Variants in PCDHA2 observed in about 807,000 individuals in gnomAD.
The protein encoded by PCDHA2 is protocadherin alpha 2, also known as protocadherin alpha-2.
PCDHA2 carries 58 observed loss-of-function variants against 66.0 expected under a neutral mutation model. The ratio of observed to expected loss-of-function variants is 0.88; its 90% CI spans 0.71 to 1.09. The LOEUF (loss-of-function observed/expected upper bound fraction) is 1.09. Among genes scored for constraint, PCDHA2 ranks in the 50% least tolerant of loss-of-function variants. The pLI is 0.00. For synonymous variants in PCDHA2, 634 were observed against 554.0 expected (o/e 1.14, Z -2.03); for missense variants, 1,267 against 1,242.3 (o/e 1.02, Z -0.30).
intron 1 of PCDHA2, chr5:140,856,766 A>C: frequency 1.3e-6 from 2 of 1,596,904 alleles, no homozygotes. Context: ...TAACGCCCCT[A>C]TCTTTGACAG....
intron 1 of PCDHA2, among the ~76,000 whole-genome samples, chr5:140,827,633 G>C (rs143632043): frequency 2.0e-5 from 3 of 152,212 alleles, no homozygotes; most frequent in Admixed American, 2.0e-4. Flanking sequence ...GTGTAGAATA[G>C]TTTACATTTC....
chr5:140,902,894 A>G (rs1370660183), intron 1 of PCDHA2, among the ~76,000 whole-genome samples: 1 of 152,170 alleles, frequency 6.6e-6, no homozygotes, highest in Non-Finnish European at 1.5e-5. Flanking sequence ...CTATTATTTT[A>G]TTTAGTTTAT....
intron 1 of PCDHA2, among the ~76,000 whole-genome samples, chr5:140,832,325 A>G (rs1771927305): frequency 6.6e-6 from 1 of 152,220 alleles, no homozygotes; most frequent in African/African-American, 2.4e-5. Context: ...AAGGGCCATT[A>G]GAGGACTGAG....
intron 1 of PCDHA2, chr5:140,863,472 T>C: frequency 2.0e-6 from 1 of 490,440 alleles, no homozygotes; most frequent in Non-Finnish European, 4.0e-6. Context: ...CTCTGGAGAG[T>C]CGCCTCCCAA....
intron 1 of PCDHA2, among the ~76,000 whole-genome samples, chr5:140,936,259 T>A (rs1327533719): frequency 6.6e-6 from 1 of 152,228 alleles, no homozygotes; most frequent in African/African-American, 2.4e-5. Context: ...CTTCAAGTCA[T>A]GAAGATATAT....
intron 1 of PCDHA2, among the ~76,000 whole-genome samples, chr5:140,832,062 A>G (rs1554133455): frequency 6.6e-6 from 1 of 152,224 alleles, no homozygotes. Context: ...TACCAATTTA[A>G]TCTGAGATGT....
At chr5:140,841,286 A>G in intron 1 of PCDHA2, 2 of 1,545,812 alleles carry the variant, frequency 1.3e-6, no homozygotes, top group Non-Finnish European at 1.7e-6. Context: ...TCTTTATATT[A>G]AGATAATATT....
chr5:140,856,767 T>A, intron 1 of PCDHA2: 1 of 1,596,922 alleles, frequency 6.3e-7, no homozygotes, highest in Non-Finnish European at 8.6e-7. Context: ...AACGCCCCTA[T>A]CTTTGACAGA....
rs144735555 is a variant in PCDHA2 at position 140,884,569 on chromosome 5, G to C, written c.2388+87217G>C. The stretch of plus-strand genomic sequence containing the variant: ...GCTCTGGGGAGGGCCCGCATAAGAC[G>C]GACCTCATGGCCTTCAGTCCCAGCC... On this transcript the variant is annotated intron_variant, in intron 1 of 3. Transcript: ENST00000526136. 7 of 1,614,008 alleles carry C rather than the reference G, an allele frequency of 4.3e-6. No individual in the cohort carries two copies. In the African/African-American group the frequency reaches 8.0e-5, roughly 18 times the overall value.
intron 1 of PCDHA2, among the ~76,000 whole-genome samples, chr5:140,903,721 C>A (rs2070530222): frequency 6.6e-6 from 1 of 152,152 alleles, no homozygotes; most frequent in Non-Finnish European, 1.5e-5. Flanking sequence ...ACAATTCTCC[C>A]TATTATCAAT....
Position 140,838,372 on chromosome 5 carries a change from C to T in PCDHA2, c.2388+41020C>T, listed in dbSNP as rs2150288337. ...ATCTGGGACTCAAGTGATCTGACTG[C>T]CTCAGCCTCCCAATGTGCTGGGATT... On this transcript the variant is annotated intron_variant, in intron 1 of 3. Transcript: ENST00000526136. Among the ~76,000 whole-genome samples the T allele has an allele frequency of 3.3e-5, 5 of 151,128 alleles. No homozygotes were observed. In the South Asian group the frequency reaches 1.0e-3, roughly 32 times the overall value.
intron 3 of PCDHA2, among the ~76,000 whole-genome samples, chr5:141,002,815 T>G (rs1554258803): frequency 6.6e-6 from 1 of 152,176 alleles, no homozygotes; most frequent in African/African-American, 2.4e-5. Flanking sequence ...GGCTCAGAGA[T>G]ATTTATGTAA....
At chr5:140,828,005 G>A in intron 1 of PCDHA2, 1 of 1,502,916 alleles carries the variant, frequency 6.7e-7, no homozygotes, top group Non-Finnish European at 8.9e-7. Flanking sequence ...GGACGCAGAA[G>A]AAATGGATTA....
intron 1 of PCDHA2, chr5:140,843,132 A>G (rs1365552111): frequency 6.3e-7 from 1 of 1,596,010 alleles, no homozygotes; most frequent in Non-Finnish European, 8.6e-7. Context: ...TCGGGCTACA[A>G]CGCGTGGCTT....
intron 1 of PCDHA2, chr5:140,884,308 G>C: frequency 6.2e-7 from 1 of 1,613,766 alleles, no homozygotes; most frequent in Non-Finnish European, 8.5e-7. Flanking sequence ...AGGCTTCGTC[G>C]AGGGCGTCGG....
rs782614839 is a variant in PCDHA2 at position 140,809,036 on chromosome 5, G to A, written c.2388+11684G>A. ...GTACGAGCTGCAGCCGGGGACTGGT[G>A]GCGCGCGCATCCCGTTCCGCGTGGG... On this transcript the variant is annotated intron_variant, in intron 1 of 3. Coordinates refer to ENST00000526136, the MANE Select transcript of PCDHA2 (RefSeq NM_018905.3). The A allele has an allele frequency of 3.1e-6, 5 of 1,613,850 alleles. No individual in the cohort carries two copies. The Admixed American group carries it at 8.3e-5, about 27-fold the overall frequency.
In PCDHA2 at chr5:140,882,159, T is replaced by C. The variant is rs1017946710; in HGVS notation, c.2388+84807T>C. 76 of 1,509,284 alleles carry C rather than the reference T, an allele frequency of 5.0e-5. No individual in the cohort carries two copies. The African/African-American group carries it at 8.9e-4, about 18-fold the overall frequency. 93.5% of individuals were successfully genotyped at this position (1,509,284 alleles called of 1,614,324 possible). On this transcript the variant is annotated intron_variant, in intron 1 of 3. Transcript: ENST00000526136. ...AAAATATAGCAGAAAGCGGAATACC[T>C]CTTGCGAATCCTTCCGCACTAGGAA...
intron 1 of PCDHA2, chr5:140,859,600 C>T (rs1562546033): frequency 6.1e-6 from 1 of 162,864 alleles, no homozygotes; most frequent in African/African-American, 2.4e-5. Context: ...TTAGCAATTA[C>T]TTTTTTCTTT....
chr5:140,809,505 G>A (rs782212508), intron 1 of PCDHA2: 4 of 1,614,224 alleles, frequency 2.5e-6, no homozygotes, highest in African/African-American at 1.3e-5. Flanking sequence ...ATGGCCTTCA[G>A]CCCCAGTTTA....
Sources: allele counts gnomAD v4.1 joint callset (sites outside exome capture counted in the v4.1 genomes callset), GRCh38; gene constraint gnomAD v4.1.1; transcripts MANE v1.5; gene names NCBI Gene and HGNC (gene_info 2026-07-23, HGNC 2026-07-21).